GABRA3: variants seen among roughly 807,000 people sequenced by gnomAD.
GABRA3 encodes the protein gamma-aminobutyric acid receptor subunit alpha-3.
Under a neutral mutation model 30.1 loss-of-function variants are expected in GABRA3, and 10 were observed. The observed-to-expected ratio is 0.33, with a 90% CI of 0.20 to 0.56. The LOEUF (loss-of-function observed/expected upper bound fraction) is 0.56, where lower values mean the gene tolerates loss of function less well. GABRA3 is among the 20% of genes least tolerant of loss of function. GABRA3 has a pLI of 0.89. For missense variants in GABRA3, 233 were observed against 392.0 expected, an observed-to-expected ratio of 0.59 and a Z score of 3.42; for synonymous variants, 151 against 146.8, an observed-to-expected ratio of 1.03 and a Z score of -0.21.
At chrX:152,354,598 C>T (rs1215792748) in intron 2 of GABRA3, among the ~76,000 whole-genome samples, 1 of 111,424 alleles carries the variant, frequency 9.0e-6, no homozygotes, top group Admixed American at 9.6e-5. Flanking sequence ...ATCTGAAAGC[C>T]ACTATGTGGA....
chrX:152,434,048 C>G (rs1213821394), intron 1 of GABRA3, among the ~76,000 whole-genome samples: 1 of 111,497 alleles, frequency 9.0e-6, no homozygotes, highest in African/African-American at 3.3e-5. Context: ...CTTGGCTCAA[C>G]TGGTGAATTA....
intron 6 of GABRA3, among the ~76,000 whole-genome samples, chrX:152,211,435 A>G (rs935728658): frequency 1.8e-5 from 2 of 111,301 alleles, no homozygotes; most frequent in Non-Finnish European, 3.8e-5. Context: ...TTTCTTTGGC[A>G]ATAATATATG....
chrX:152,304,914 G>T (rs897658012), intron 3 of GABRA3, among the ~76,000 whole-genome samples: 1 of 111,482 alleles, frequency 9.0e-6, no homozygotes, highest in Non-Finnish European at 1.9e-5. Flanking sequence ...GGCCATTTCA[G>T]TAATATTGAT....
At chrX:152,222,306 T>C (rs1448451125) in intron 6 of GABRA3, among the ~76,000 whole-genome samples, 1 of 107,072 alleles carries the variant, frequency 9.3e-6, no homozygotes, top group Admixed American at 1.0e-4. Flanking sequence ...TATCAATTTT[T>C]CAGTCATCTG....
At chrX:152,360,710 A>T (rs1224721731) in intron 2 of GABRA3, among the ~76,000 whole-genome samples, 1 of 83,855 alleles carries the variant, frequency 1.2e-5, no homozygotes, top group African/African-American at 4.9e-5. Flanking sequence ...AAAAAAAAAA[A>T]TTAAAAAAAA....
chrX:152,401,324 T>C (rs1437089032), intron 1 of GABRA3, among the ~76,000 whole-genome samples: 3 of 107,947 alleles, frequency 2.8e-5, no homozygotes, highest in Non-Finnish European at 5.7e-5. Flanking sequence ...ACTCTACAAA[T>C]TGATTAGAGT....
chrX:152,265,972 A>T (rs1938816249), intron 4 of GABRA3, among the ~76,000 whole-genome samples: 1 of 111,403 alleles, frequency 9.0e-6, no homozygotes, highest in Non-Finnish European at 1.9e-5. Flanking sequence ...ATAACAGGTA[A>T]TGTGATCAAA....
intron 1 of GABRA3, among the ~76,000 whole-genome samples, chrX:152,419,929 G>A (rs989570465): frequency 9.0e-6 from 1 of 110,789 alleles, no homozygotes; most frequent in Non-Finnish European, 1.9e-5. Flanking sequence ...AAAATAACAC[G>A]AAGAGTAGGA....
At position 152,216,695 on chromosome X, in the gene GABRA3, A is replaced by C. The variant is rs748717352; in HGVS notation, c.634+8068T>G. Among the ~76,000 whole-genome samples the C allele has an allele frequency of 3.8e-3, 415 of 109,773 alleles. 2 individuals are homozygous for C. The highest frequency in any genetic ancestry group is 5.5e-3 in the Non-Finnish European group (289 of 52,338). On this transcript the variant is annotated intron_variant, in intron 6 of 9. Transcript: ENST00000370314. ...TTGGTTAATGGAGGGAGATTGATTA[A>C]TGGGTACAAGGTACAGTTGGATAGA...
intron 1 of GABRA3, among the ~76,000 whole-genome samples, chrX:152,411,967 C>A (rs1212162350): frequency 9.0e-6 from 1 of 111,049 alleles, no homozygotes; most frequent in Non-Finnish European, 1.9e-5. Context: ...AAAAAAGAAT[C>A]ACATAAAGGT....
At chrX:152,217,897 G>T (rs1049392765) in intron 6 of GABRA3, among the ~76,000 whole-genome samples, 2 of 107,702 alleles carry the variant, frequency 1.9e-5, no homozygotes, top group African/African-American at 6.7e-5. Flanking sequence ...TATCAGTTTT[G>T]CTGATCTTTT....
intron 6 of GABRA3, among the ~76,000 whole-genome samples, chrX:152,211,784 C>T (rs773208688): frequency 9.0e-6 from 1 of 111,294 alleles, no homozygotes; most frequent in South Asian, 3.8e-4. Context: ...CACTATTGCT[C>T]CTGCTCAGAG....
intron 7 of GABRA3, among the ~76,000 whole-genome samples, chrX:152,202,127 G>A (rs1251681007): frequency 4.5e-5 from 5 of 111,723 alleles, no homozygotes; most frequent in African/African-American, 1.6e-4. Context: ...GGAGCAAAGA[G>A]CAGACGGCCT....
At chrX:152,355,068 T>C (rs1940529449) in intron 2 of GABRA3, among the ~76,000 whole-genome samples, 1 of 111,196 alleles carries the variant, frequency 9.0e-6, no homozygotes, top group Non-Finnish European at 1.9e-5. Context: ...CACTGACACC[T>C]TTAGATAGTA....
intron 1 of GABRA3, among the ~76,000 whole-genome samples, chrX:152,431,659 T>C (rs1268262592): frequency 8.9e-6 from 1 of 111,862 alleles, no homozygotes; most frequent in Non-Finnish European, 1.9e-5. Flanking sequence ...ATTATTTGGA[T>C]TATCTGAGTA....
chrX:152,198,652 T>C (rs1052423148), intron 7 of GABRA3, among the ~76,000 whole-genome samples: 1 of 112,132 alleles, frequency 8.9e-6, no homozygotes, highest in African/African-American at 3.2e-5. Context: ...TCTCTCCTAC[T>C]TCACAGACCA....
At chrX:152,437,786 G>A (rs1930813594) in intron 1 of GABRA3, among the ~76,000 whole-genome samples, 1 of 111,844 alleles carries the variant, frequency 8.9e-6, no homozygotes, top group African/African-American at 3.2e-5. Flanking sequence ...TCAACAAATG[G>A]TGCTGGAATA....
At chrX:152,445,311 T>C (rs895821888) in intron 1 of GABRA3, among the ~76,000 whole-genome samples, 13 of 110,574 alleles carry the variant, frequency 1.2e-4, no homozygotes, top group Non-Finnish European at 1.9e-4. Context: ...ACCTGGACCA[T>C]TACATTTCAG....
At position 152,179,927 on chromosome X, in the gene GABRA3, T is replaced by C. The variant is rs769667927; in HGVS notation, c.1143+9803A>G. 3.5e-4 allele frequency among the ~76,000 whole-genome samples: 39 copies of C among 111,916 alleles called. No homozygotes were observed. In the South Asian group the frequency reaches 0.013, roughly 38 times the overall value. ...TTTTTAAAGGCTGAATAGTATTCCA[T>C]TGCCTATACCACATTTTCTTTATCT... On this transcript the variant is annotated intron_variant, in intron 9 of 9. Transcript: ENST00000370314.
Sources: gnomAD v4.1 joint callset for allele counts (sites outside exome capture counted in the v4.1 genomes callset) on GRCh38, gnomAD v4.1.1 for gene constraint, MANE v1.5 for transcripts, NCBI Gene and HGNC (gene_info 2026-07-23, HGNC 2026-07-21) for gene names.